GJB7: variants seen among roughly 807,000 people sequenced by gnomAD.
GJB7 encodes gap junction protein beta 7.
For missense variants in GJB7, 253 were observed against 256.8 expected (o/e 0.99, Z 0.10); for synonymous variants, 87 against 95.2 (o/e 0.91, Z 0.50).
intron 1 of GJB7, among the ~76,000 whole-genome samples, chr6:87,324,044 A>G (rs565049844): frequency 0.02 from 3,034 of 149,322 alleles, 111 homozygotes; most frequent in African/African-American, 0.072. Context: ...GCATTTTTTC[A>G]TGTGTGTTTT....
chr6:87,323,867 T>C (rs1478173667), intron 1 of GJB7, among the ~76,000 whole-genome samples: 7 of 152,110 alleles, frequency 4.6e-5, no homozygotes, highest in Admixed American at 1.3e-4. Flanking sequence ...TCCACAATGG[T>C]TGTACTGGTT....
At chr6:87,319,244 G>A (rs1311133372) in intron 2 of GJB7, among the ~76,000 whole-genome samples, 1 of 152,148 alleles carries the variant, frequency 6.6e-6, no homozygotes, top group Non-Finnish European at 1.5e-5. Context: ...CTTAAAAGCA[G>A]CATAAAATGG....
At chr6:87,317,549 C>T (rs972559753) in intron 2 of GJB7, among the ~76,000 whole-genome samples, 2 of 151,984 alleles carry the variant, frequency 1.3e-5, no homozygotes, top group African/African-American at 4.8e-5. Flanking sequence ...CCTGCCTCAG[C>T]CTCCCAAGTA....
rs978974796 is a variant in GJB7 at position 87,322,937 on chromosome 6, A to T, written c.-99T>A. On this transcript the variant is annotated 5_prime_UTR_variant, in exon 2 of 3. Coordinates refer to ENST00000525899, the MANE Select transcript of GJB7 (RefSeq NM_198568.3). ...CCCCGAGAACTCTCTCGTTTCCTGC[A>T]GTTTCTTAGTGTCTTGGCTCACCAG... 6.6e-6 allele frequency: 1 copy of T among 151,968 alleles called. No individual in the cohort carries two copies. The highest frequency in any genetic ancestry group is 2.4e-5 in the African/African-American group (1 of 41,308). 9.4% of individuals were successfully genotyped at this position (151,968 alleles called of 1,614,324 possible).
chr6:87,327,386 A>C (rs28896846), intron 1 of GJB7, among the ~76,000 whole-genome samples: 95,005 of 151,310 alleles, frequency 0.63, 30,138 homozygotes, highest in African/African-American at 0.7. Flanking sequence ...TTGGCAATGG[A>C]TGGTACAGGT....
intron 2 of GJB7, among the ~76,000 whole-genome samples, chr6:87,288,483 TC>T (rs1428580826): frequency 6.6e-6 from 1 of 152,188 alleles, no homozygotes; most frequent in Non-Finnish European, 1.5e-5. Flanking sequence ...TGTCAATGAC[TC>T]CCAAATTATG....
At chr6:87,289,987 C>G (rs559886145) in intron 2 of GJB7, among the ~76,000 whole-genome samples, 2 of 152,312 alleles carry the variant, frequency 1.3e-5, no homozygotes, top group East Asian at 3.9e-4. Flanking sequence ...GCCAGCGACA[C>G]TCCCTGAAAA....
intron 2 of GJB7, chr6:87,299,166 C>T (rs1776286021): frequency 2.2e-6 from 1 of 456,754 alleles, no homozygotes; most frequent in Non-Finnish European, 4.4e-6. Context: ...AGTGCTAATC[C>T]TGTGGAAATC....
At chr6:87,320,925 G>C (rs907554912) in intron 2 of GJB7, among the ~76,000 whole-genome samples, 1 of 152,092 alleles carries the variant, frequency 6.6e-6, no homozygotes, top group Non-Finnish European at 1.5e-5. Context: ...CTCTGGAAAA[G>C]ACCTAGTAAG....
chr6:87,307,495 C>A (rs1287116753), intron 2 of GJB7, among the ~76,000 whole-genome samples: 1 of 152,108 alleles, frequency 6.6e-6, no homozygotes, highest in African/African-American at 2.4e-5. Context: ...GGGCTAATAT[C>A]CAGAATCTAC....
chr6:87,291,259 A>G (rs1276490165), intron 2 of GJB7, among the ~76,000 whole-genome samples: 1 of 152,210 alleles, frequency 6.6e-6, no homozygotes, highest in Non-Finnish European at 1.5e-5. Context: ...TAGATGCATA[A>G]GAGCCATAAA....
intron 1 of GJB7, among the ~76,000 whole-genome samples, chr6:87,327,450 C>G (rs1217540148): frequency 3.3e-5 from 5 of 152,216 alleles, no homozygotes; most frequent in Admixed American, 6.5e-5. Flanking sequence ...GGCAGGCCTG[C>G]TGGTCACAAA....
intron 2 of GJB7, among the ~76,000 whole-genome samples, chr6:87,307,360 C>A (rs894361864): frequency 6.6e-6 from 1 of 151,924 alleles, no homozygotes; most frequent in Non-Finnish European, 1.5e-5. Context: ...GCAACAAAAG[C>A]CAAAATTGAC....
At chr6:87,298,729 G>A (rs1485487066) in intron 2 of GJB7, 5 of 190,336 alleles carry the variant, frequency 2.6e-5, no homozygotes, top group Non-Finnish European at 5.7e-5. Flanking sequence ...CGCCACTGAC[G>A]ACCTGTCTCA....
intron 2 of GJB7, among the ~76,000 whole-genome samples, chr6:87,285,797 C>T (rs967540762): frequency 6.6e-6 from 1 of 152,152 alleles, no homozygotes; most frequent in African/African-American, 2.4e-5. Context: ...CTTTATTCCT[C>T]ATTTCTACTT....
chr6:87,327,250 G>A (rs1373068987), intron 1 of GJB7, among the ~76,000 whole-genome samples: 4 of 146,548 alleles, frequency 2.7e-5, no homozygotes, highest in African/African-American at 7.7e-5. Flanking sequence ...TTTAATTGGA[G>A]CATTTAGTCC....
At chr6:87,311,589 G>A (rs76753621) in intron 2 of GJB7, among the ~76,000 whole-genome samples, 452 of 152,350 alleles carry the variant, frequency 3.0e-3, no homozygotes, top group Non-Finnish European at 5.5e-3. Flanking sequence ...TGATAGGAAT[G>A]TGTGAAGTTC....
At chr6:87,308,756 G>A (rs928770821) in intron 2 of GJB7, among the ~76,000 whole-genome samples, 3 of 151,920 alleles carry the variant, frequency 2.0e-5, no homozygotes, top group African/African-American at 7.3e-5. Flanking sequence ...GAGGCATATC[G>A]TGATAAGACT....
chr6:87,322,113 T>C (rs1205805138), intron 2 of GJB7, among the ~76,000 whole-genome samples: 1 of 152,180 alleles, frequency 6.6e-6, no homozygotes, highest in East Asian at 1.9e-4. Flanking sequence ...CTATATCTAT[T>C]CTTGTCTCAA....
Sources: allele counts gnomAD v4.1 joint callset (sites outside exome capture counted in the v4.1 genomes callset), GRCh38; gene constraint gnomAD v4.1.1; transcripts MANE v1.5; gene names NCBI Gene and HGNC (gene_info 2026-07-23, HGNC 2026-07-21).